GABRB1: variants seen among roughly 807,000 people sequenced by gnomAD.
GABRB1 encodes gamma-aminobutyric acid type A receptor subunit beta1.
Under a neutral mutation model 51.6 loss-of-function variants are expected in GABRB1, and 17 were observed. The ratio of observed to expected loss-of-function variants is 0.33; its 90% CI spans 0.23 to 0.49. The LOEUF is 0.49. Ranked by LOEUF, GABRB1 falls within the 20% of genes least tolerant of loss-of-function variation. The pLI is 0.99. For missense variants in GABRB1, 410 were observed against 600.6 expected (o/e 0.68, Z 3.32); for synonymous variants, 247 against 218.9 (o/e 1.13, Z -1.14).
At chr4:47,257,559 G>C (rs887517917) in intron 4 of GABRB1, among the ~76,000 whole-genome samples, 3 of 151,524 alleles carry the variant, frequency 2.0e-5, no homozygotes, top group Non-Finnish European at 2.9e-5. Flanking sequence ...TGGGTGTAGG[G>C]AGGGAGGGTG....
chr4:47,240,985 G>A (rs1721561179), intron 4 of GABRB1, among the ~76,000 whole-genome samples: 2 of 151,952 alleles, frequency 1.3e-5, no homozygotes, highest in South Asian at 4.1e-4. Flanking sequence ...ACCAGAAAAA[G>A]CCACAGAAAA....
chr4:47,120,789 TG>T (rs1715742052), intron 3 of GABRB1, among the ~76,000 whole-genome samples: 1 of 152,294 alleles, frequency 6.6e-6, no homozygotes, highest in South Asian at 2.1e-4. Flanking sequence ...GGGTCTGCAG[TG>T]GGGTCCTCAT....
intron 4 of GABRB1, among the ~76,000 whole-genome samples, chr4:47,237,404 A>T (rs922637471): frequency 6.6e-6 from 1 of 152,072 alleles, no homozygotes; most frequent in South Asian, 2.1e-4. Context: ...GGAGAGAAAC[A>T]TGCAAAGTAT....
intron 5 of GABRB1, among the ~76,000 whole-genome samples, chr4:47,355,110 C>G (rs1726517030): frequency 6.6e-6 from 1 of 150,968 alleles, no homozygotes; most frequent in Non-Finnish European, 1.5e-5. Context: ...CTCAGCCTCC[C>G]AAGTAGCTGG....
intron 5 of GABRB1, among the ~76,000 whole-genome samples, chr4:47,353,539 G>A (rs373337596): frequency 2.0e-5 from 3 of 152,070 alleles, no homozygotes; most frequent in Non-Finnish European, 4.4e-5. Context: ...CTTTATAGGC[G>A]AAGTGATATA....
chr4:47,142,954 C>T (rs1463881744), intron 3 of GABRB1, among the ~76,000 whole-genome samples: 1 of 151,822 alleles, frequency 6.6e-6, no homozygotes, highest in East Asian at 1.9e-4. Flanking sequence ...ATTATTTCTG[C>T]AATCATATTC....
chr4:47,038,203 G>T (rs909695143), intron 3 of GABRB1, among the ~76,000 whole-genome samples: 13 of 152,100 alleles, frequency 8.5e-5, no homozygotes, highest in Non-Finnish European at 1.5e-5. Flanking sequence ...AATTTATTGA[G>T]TTCCCACTGA....
chr4:47,400,178 A>G (rs1265385594), intron 5 of GABRB1, among the ~76,000 whole-genome samples: 8 of 152,148 alleles, frequency 5.3e-5, no homozygotes. Flanking sequence ...TCTTCAATTT[A>G]TCTAAGACAT....
intron 1 of GABRB1, among the ~76,000 whole-genome samples, chr4:47,007,894 A>ATATATAT (rs1491436729): frequency 8.4e-4 from 28 of 33,378 alleles, no homozygotes; most frequent in South Asian, 3.4e-3. Context: ...ATATATATAT[A>ATATATAT]AAATCAAGTT....
chr4:47,140,381 A>G (rs1716882652), intron 3 of GABRB1, among the ~76,000 whole-genome samples: 1 of 152,000 alleles, frequency 6.6e-6, no homozygotes, highest in African/African-American at 2.4e-5. Context: ...TTTGCATGGT[A>G]CAGATATGAA....
chr4:47,144,518 T>C (rs1717069979), intron 3 of GABRB1, among the ~76,000 whole-genome samples: 1 of 151,996 alleles, frequency 6.6e-6, no homozygotes. Context: ...ATATTTGCCG[T>C]GGTAACAACT....
chr4:47,060,403 C>T (rs1726796241), intron 3 of GABRB1, among the ~76,000 whole-genome samples: 1 of 151,972 alleles, frequency 6.6e-6, no homozygotes, highest in Admixed American at 6.6e-5. Context: ...CTCAGCTTTC[C>T]AGGGTATTGC....
At chr4:47,272,267 C>T (rs1722902061) in intron 4 of GABRB1, among the ~76,000 whole-genome samples, 1 of 152,108 alleles carries the variant, frequency 6.6e-6, no homozygotes, top group Admixed American at 6.6e-5. Context: ...TTTGTATGTG[C>T]AGATCATTCT....
intron 4 of GABRB1, among the ~76,000 whole-genome samples, chr4:47,284,195 G>T (rs1035286540): frequency 6.6e-6 from 1 of 151,128 alleles, no homozygotes; most frequent in East Asian, 1.9e-4. Flanking sequence ...TCTGTCCCTC[G>T]AGATTGACAG....
At chr4:47,106,730 C>A (rs138941717) in intron 3 of GABRB1, among the ~76,000 whole-genome samples, 3 of 152,012 alleles carry the variant, frequency 2.0e-5, no homozygotes, top group Non-Finnish European at 4.4e-5. Flanking sequence ...TACTCAGAAG[C>A]CTCCCATCTC....
At chr4:47,298,165 C>T (rs1223434121) in intron 4 of GABRB1, among the ~76,000 whole-genome samples, 4 of 152,150 alleles carry the variant, frequency 2.6e-5, no homozygotes, top group Admixed American at 2.6e-4. Context: ...GAAGCATTCC[C>T]TTTGAAAACT....
intron 4 of GABRB1, among the ~76,000 whole-genome samples, chr4:47,209,740 G>A (rs1020290074): frequency 2.0e-5 from 3 of 151,924 alleles, no homozygotes; most frequent in African/African-American, 7.2e-5. Context: ...TGTATGAATG[G>A]CATAGAAAGA....
intron 8 of GABRB1, among the ~76,000 whole-genome samples, chr4:47,420,880 TG>T (rs1729070743): frequency 6.6e-6 from 1 of 151,428 alleles, no homozygotes; most frequent in South Asian, 2.1e-4. Context: ...AGCAGAAAGC[TG>T]GAGGGTGAGG....
At chr4:47,343,330 A>T (rs893173179) in intron 5 of GABRB1, among the ~76,000 whole-genome samples, 5 of 152,146 alleles carry the variant, frequency 3.3e-5, no homozygotes, top group Admixed American at 1.3e-4. Context: ...GGTAGGAGAC[A>T]AGTCAGTTTG....
Sources: gnomAD v4.1 joint callset for allele counts (sites outside exome capture counted in the v4.1 genomes callset) on GRCh38, gnomAD v4.1.1 for gene constraint, MANE v1.5 for transcripts, NCBI Gene and HGNC (gene_info 2026-07-23, HGNC 2026-07-21) for gene names.